Variants in GRXCR1 observed in about 807,000 individuals in gnomAD.
The protein encoded by GRXCR1 is glutaredoxin domain-containing cysteine-rich protein 1.
A neutral mutation model predicts 27.3 loss-of-function variants in GRXCR1; 27 were observed. The ratio of observed to expected loss-of-function variants is 0.99; its 90% CI spans 0.73 to 1.37. The LOEUF (loss-of-function observed/expected upper bound fraction) is 1.37, where lower values mean the gene tolerates loss of function less well. Ranked by LOEUF, GRXCR1 falls within the 40% of genes most tolerant of loss-of-function variation. The pLI is 0.00. For synonymous variants in GRXCR1, 122 were observed against 131.1 expected, an observed-to-expected ratio of 0.93 and a Z score of 0.47; for missense variants, 379 against 354.4, an observed-to-expected ratio of 1.07 and a Z score of -0.56.
intron 2 of GRXCR1, among the ~76,000 whole-genome samples, chr4:42,975,845 T>C (rs1404717545): frequency 6.6e-6 from 1 of 152,160 alleles, no homozygotes; most frequent in Non-Finnish European, 1.5e-5. Flanking sequence ...ATGAAATGTA[T>C]AGCAGTAAGT....
At chr4:43,007,223 A>G (rs1712590269) in intron 2 of GRXCR1, among the ~76,000 whole-genome samples, 1 of 152,216 alleles carries the variant, frequency 6.6e-6, no homozygotes, top group Non-Finnish European at 1.5e-5. Flanking sequence ...ACCTTCTGGC[A>G]TTGGAGATTT....
chr4:42,961,062 CTT>C (rs1748120765), intron 1 of GRXCR1, among the ~76,000 whole-genome samples: 1 of 151,826 alleles, frequency 6.6e-6, no homozygotes, highest in Non-Finnish European at 1.5e-5. Flanking sequence ...CACATCCTCT[CTT>C]TGTTCACTTC....
chr4:42,916,099 GA>G (rs58948726), intron 1 of GRXCR1, among the ~76,000 whole-genome samples: 13,270 of 145,932 alleles, frequency 0.091, 1,006 homozygotes, highest in East Asian at 0.35. Flanking sequence ...CATCATTTCA[GA>G]AAAAAAAAAA....
At chr4:42,898,310 A>G (rs1746394402) in intron 1 of GRXCR1, among the ~76,000 whole-genome samples, 1 of 151,880 alleles carries the variant, frequency 6.6e-6, no homozygotes, top group Non-Finnish European at 1.5e-5. Context: ...TCAGCTTTGA[A>G]TTGTATTTTT....
At chr4:42,980,211 T>C (rs1748623665) in intron 2 of GRXCR1, among the ~76,000 whole-genome samples, 2 of 152,106 alleles carry the variant, frequency 1.3e-5, no homozygotes, top group South Asian at 4.1e-4. Context: ...TTGTACATCT[T>C]GTTTCTTGAA....
Position 42,900,892 on chromosome 4 carries a change from C to A in GRXCR1, c.384+7242C>A, listed in dbSNP as rs116706559. On this transcript the variant is annotated intron_variant, in intron 1 of 3. Transcript: ENST00000399770. The stretch of plus-strand genomic sequence containing the variant: ...ATGAGGGTCCCAGAACTAATCCATG[C>A]CACAGGGCAACTGTTCTTATTCGCG... Among the ~76,000 whole-genome samples the A allele has an allele frequency of 6.2e-3, 943 of 152,200 alleles. 6 individuals carry two copies. Among genetic ancestry groups the A allele is most frequent in the Non-Finnish European group, 9.3e-3 (631 of 68,002 alleles).
intron 1 of GRXCR1, among the ~76,000 whole-genome samples, chr4:42,924,778 G>C (rs992180604): frequency 6.6e-6 from 1 of 151,964 alleles, no homozygotes; most frequent in African/African-American, 2.4e-5. Flanking sequence ...CATGATAAAT[G>C]CTCTGAAGCA....
intron 1 of GRXCR1, among the ~76,000 whole-genome samples, 197 bp from the exon 2 acceptor site, chr4:42,962,694 AT>A (rs1748151521): frequency 6.6e-6 from 1 of 152,024 alleles, no homozygotes; most frequent in Admixed American, 6.6e-5. Flanking sequence ...AAAAAATTAA[AT>A]TATGTAATAT....
intron 1 of GRXCR1, among the ~76,000 whole-genome samples, chr4:42,953,074 T>C (rs980125282): frequency 8.5e-5 from 13 of 152,122 alleles, no homozygotes; most frequent in Non-Finnish European, 1.5e-5. Context: ...CAGCCAATGG[T>C]GAATTTCCCA....
At chr4:42,934,130 C>G (rs1475139800) in intron 1 of GRXCR1, among the ~76,000 whole-genome samples, 1 of 151,738 alleles carries the variant, frequency 6.6e-6, no homozygotes, top group African/African-American at 2.4e-5. Flanking sequence ...GAGGCCTCTT[C>G]TTCTCTATGA....
intron 2 of GRXCR1, among the ~76,000 whole-genome samples, chr4:43,003,922 A>G (rs547265969): frequency 6.6e-6 from 1 of 152,256 alleles, no homozygotes; most frequent in Non-Finnish European, 1.5e-5. Context: ...GCAGAAATTT[A>G]CGTAAGTAAA....
intron 1 of GRXCR1, among the ~76,000 whole-genome samples, chr4:42,908,295 G>A (rs1746643127): frequency 1.3e-5 from 2 of 152,184 alleles, no homozygotes. Flanking sequence ...CTGACAGGTA[G>A]TTGTAACGGT....
At chr4:42,982,718 T>TTCC (rs1711533336) in intron 2 of GRXCR1, among the ~76,000 whole-genome samples, 1 of 145,030 alleles carries the variant, frequency 6.9e-6, no homozygotes, top group African/African-American at 2.5e-5. Flanking sequence ...CCAGCACCTG[T>TTCC]TGTTTCCTGA....
In GRXCR1 at chr4:42,892,928, C is replaced by T. The variant is rs1364836789; in HGVS notation, c.-339C>T. Among the ~76,000 whole-genome samples the T allele has an allele frequency of 6.6e-6, 1 of 152,114 alleles. No homozygotes were observed. Among genetic ancestry groups the T allele is most frequent in the Admixed American group, 6.6e-5 (1 of 15,248 alleles). On this transcript the variant is annotated 5_prime_UTR_variant, in exon 1 of 4. Transcript: ENST00000399770. ...CCCACCATTGGCTTCAAAGTTCAAG[C>T]CTTTCATTTTCTTGCCCCATACATA...
chr4:42,957,442 G>T (rs74376577), intron 1 of GRXCR1, among the ~76,000 whole-genome samples: 2,633 of 151,980 alleles, frequency 0.017, 52 homozygotes, highest in African/African-American at 0.046. Context: ...CTGTTATTTT[G>T]TACTCTAATA....
intron 1 of GRXCR1, among the ~76,000 whole-genome samples, chr4:42,928,797 G>T (rs1187034168): frequency 6.6e-6 from 1 of 151,932 alleles, no homozygotes; most frequent in Non-Finnish European, 1.5e-5. Flanking sequence ...GTCCCTAGTT[G>T]TCTGATCCCT....
At chr4:42,959,822 A>C (rs1172598280) in intron 1 of GRXCR1, among the ~76,000 whole-genome samples, 28 of 151,964 alleles carry the variant, frequency 1.8e-4, no homozygotes, top group Admixed American at 1.8e-3. Flanking sequence ...GAACTTAAAA[A>C]AAAATTGCAA....
intron 2 of GRXCR1, among the ~76,000 whole-genome samples, chr4:42,981,933 A>G (rs1748680598): frequency 6.6e-6 from 1 of 152,158 alleles, no homozygotes; most frequent in Admixed American, 6.5e-5. Context: ...ATAATATATG[A>G]ATGCAGAGCA....
At position 42,903,212 on chromosome 4, in the gene GRXCR1, A is replaced by T. The variant is rs571331708; in HGVS notation, c.384+9562A>T. Reference sequence around the variant, plus strand: ...TAATATTAGAAAATCTACTACAAAGATAACACAAATCAACCAATGATACTT... The same window carrying T: ...TAATATTAGAAAATCTACTACAAAGTTAACACAAATCAACCAATGATACTT... On this transcript the variant is annotated intron_variant, in intron 1 of 3. Transcript: ENST00000399770. Among the ~76,000 whole-genome samples the T allele has an allele frequency of 1.6e-4, 24 of 149,418 alleles. 2 individuals carry two copies. The Admixed American group carries it at 1.7e-3, about 10-fold the overall frequency.
Sources: allele counts gnomAD v4.1 joint callset (sites outside exome capture counted in the v4.1 genomes callset), GRCh38; gene constraint gnomAD v4.1.1; transcripts MANE v1.5; gene names NCBI Gene and HGNC (gene_info 2026-07-23, HGNC 2026-07-21).